The following MGAT5 variants were observed in gnomAD, a reference collection of about 807,000 sequenced individuals.
MGAT5 encodes the protein alpha-1,6-mannosylglycoprotein 6-beta-N-acetylglucosaminyltransferase A.
A neutral mutation model predicts 94.3 loss-of-function variants in MGAT5; 30 were observed. The ratio of observed to expected loss-of-function variants is 0.32; its 90% CI spans 0.24 to 0.43. MGAT5 has a LOEUF of 0.43. Among genes scored for constraint, MGAT5 ranks in the 20% least tolerant of loss-of-function variants. The pLI is 1.00. For missense variants in MGAT5, 691 were observed against 905.5 expected, an observed-to-expected ratio of 0.76 and a Z score of 3.04; for synonymous variants, 310 against 322.9, an observed-to-expected ratio of 0.96 and a Z score of 0.43.
chr2:134,362,869 C>G (rs573311304), intron 10 of MGAT5, among the ~76,000 whole-genome samples: 22 of 152,194 alleles, frequency 1.4e-4, no homozygotes, highest in Non-Finnish European at 2.4e-4. Flanking sequence ...CACTACTCAC[C>G]TGACGTAGAA....
chr2:134,157,057 A>G (rs568182254), intron 1 of MGAT5, among the ~76,000 whole-genome samples: 14 of 152,300 alleles, frequency 9.2e-5, no homozygotes, highest in Middle Eastern at 3.4e-3. Context: ...AGTCTTTGGC[A>G]TTTTACTGTT....
chr2:134,161,732 C>T (rs1687742873), intron 1 of MGAT5, among the ~76,000 whole-genome samples: 1 of 152,128 alleles, frequency 6.6e-6, no homozygotes. Flanking sequence ...ATTTTTCTCT[C>T]AGCACTTCCG....
At chr2:134,150,869 G>T (rs117658545) in intron 1 of MGAT5, among the ~76,000 whole-genome samples, 1 of 152,170 alleles carries the variant, frequency 6.6e-6, no homozygotes, top group East Asian at 1.9e-4. Flanking sequence ...GTTATGTGAC[G>T]AATGTCTTCT....
intron 2 of MGAT5, among the ~76,000 whole-genome samples, chr2:134,314,361 G>C (rs1407857199): frequency 6.6e-6 from 1 of 152,238 alleles, no homozygotes; most frequent in Non-Finnish European, 1.5e-5. Flanking sequence ...GTTTGAGGAA[G>C]AGGAAAGGCC....
At chr2:134,289,406 C>A (rs1685209312) in intron 2 of MGAT5, among the ~76,000 whole-genome samples, 1 of 152,164 alleles carries the variant, frequency 6.6e-6, no homozygotes, top group African/African-American at 2.4e-5. Flanking sequence ...AGCCATCAGC[C>A]AGCTGCTTCC....
intron 1 of MGAT5, among the ~76,000 whole-genome samples, chr2:134,193,092 T>C (rs1679306383): frequency 6.6e-6 from 1 of 151,916 alleles, no homozygotes; most frequent in South Asian, 2.1e-4. Flanking sequence ...TGATTGGCTC[T>C]GTGAGGTTAC....
chr2:134,355,462 G>T (rs1387894433), intron 9 of MGAT5, among the ~76,000 whole-genome samples: 1 of 152,124 alleles, frequency 6.6e-6, no homozygotes, highest in South Asian at 2.1e-4. Flanking sequence ...ATTTCTTGTT[G>T]AGACTTAACT....
intron 11 of MGAT5, among the ~76,000 whole-genome samples, chr2:134,405,389 C>T (rs1022070630): frequency 2.0e-5 from 3 of 152,196 alleles, no homozygotes; most frequent in African/African-American, 7.2e-5. Context: ...ATGGCTCAGA[C>T]ATTTGGCAAA....
intron 1 of MGAT5, among the ~76,000 whole-genome samples, chr2:134,225,921 C>T (rs913227311): frequency 3.9e-5 from 6 of 152,222 alleles, no homozygotes; most frequent in African/African-American, 1.2e-4. Flanking sequence ...TAGAGCTTTA[C>T]GAGACTTTTG....
chr2:134,447,591 CT>C (rs988970036), intron 15 of MGAT5, among the ~76,000 whole-genome samples: 4 of 152,262 alleles, frequency 2.6e-5, no homozygotes, highest in African/African-American at 9.6e-5. Flanking sequence ...CCCAACACCA[CT>C]TTCTCTGATA....
intron 4 of MGAT5, among the ~76,000 whole-genome samples, chr2:134,333,035 C>G (rs1688080989): frequency 6.6e-6 from 1 of 152,124 alleles, no homozygotes; most frequent in Non-Finnish European, 1.5e-5. Context: ...GGCGATTCCT[C>G]AGGGATCTAG....
intron 1 of MGAT5, among the ~76,000 whole-genome samples, chr2:134,172,487 T>C (rs370742994): frequency 3.3e-5 from 5 of 152,048 alleles, no homozygotes; most frequent in Non-Finnish European, 7.4e-5. Flanking sequence ...CCTTGGTTCA[T>C]GCCATTCTCC....
chr2:134,165,873 G>A (rs777500911), intron 1 of MGAT5, among the ~76,000 whole-genome samples: 33 of 152,208 alleles, frequency 2.2e-4, no homozygotes, highest in Admixed American at 7.8e-4. Flanking sequence ...CCTGGCAGAT[G>A]TGTGTTAAGA....
rs551725312 is a variant in MGAT5 at position 134,410,083 on chromosome 2, G to A, written c.1531-2786G>A. Among the ~76,000 whole-genome samples, 13 of 152,332 alleles carry A rather than the reference G, an allele frequency of 8.5e-5. No individual in the cohort carries two copies. The South Asian group carries it at 2.1e-3, about 24-fold the overall frequency. On this transcript the variant is annotated intron_variant, in intron 11 of 15. Coordinates refer to ENST00000281923, the MANE Select transcript of MGAT5 (RefSeq NM_002410.5). Reference sequence around the variant, plus strand: ...AGCAGAGTTAAGCCTTGGCACTTATGTACATTCTTGCAGTGTCTCTTGCCT... The same window carrying A: ...AGCAGAGTTAAGCCTTGGCACTTATATACATTCTTGCAGTGTCTCTTGCCT...
intron 7 of MGAT5, among the ~76,000 whole-genome samples, chr2:134,344,045 T>A (rs1407535694): frequency 3.3e-5 from 5 of 152,174 alleles, no homozygotes; most frequent in Non-Finnish European, 7.4e-5. Context: ...AGCAGAGTCC[T>A]GTTTGTGACT....
chr2:134,201,000 G>A (rs1421136242), intron 1 of MGAT5, among the ~76,000 whole-genome samples: 1 of 151,916 alleles, frequency 6.6e-6, no homozygotes, highest in African/African-American at 2.4e-5. Flanking sequence ...CTGCAGCCTT[G>A]AACTCCTGGG....
At chr2:134,123,944 C>G (rs1185746329) in intron 1 of MGAT5, among the ~76,000 whole-genome samples, 2 of 152,186 alleles carry the variant, frequency 1.3e-5, no homozygotes, top group Admixed American at 6.5e-5. Flanking sequence ...GCTACACTTT[C>G]AAATTTCTCT....
chr2:134,426,486 G>GT (rs1266335209), intron 13 of MGAT5, among the ~76,000 whole-genome samples: 9 of 152,144 alleles, frequency 5.9e-5, no homozygotes, highest in African/African-American at 2.2e-4. Flanking sequence ...TGGTGCTTGG[G>GT]TACTCGGCGT....
rs191419399 is a variant in MGAT5, at chr2:134,368,085, C to T, written c.1380+5677C>T. On this transcript the variant is annotated intron_variant, in intron 10 of 15. Coordinates refer to ENST00000281923, the MANE Select transcript of MGAT5 (RefSeq NM_002410.5). The stretch of plus-strand genomic sequence containing the variant: ...GAACCAGGGTCAGGCTCTGACCTCT[C>T]CTCTTGGAGACTTGCCTTCCTGCTG... Among the ~76,000 whole-genome samples the T allele has an allele frequency of 2.4e-3, 362 of 152,308 alleles. 4 individuals carry two copies. The highest frequency in any genetic ancestry group is 0.014 in the Middle Eastern group (4 of 294).
Sources: gnomAD v4.1 joint callset for allele counts (sites outside exome capture counted in the v4.1 genomes callset) on GRCh38, gnomAD v4.1.1 for gene constraint, MANE v1.5 for transcripts, NCBI Gene and HGNC (gene_info 2026-07-23, HGNC 2026-07-21) for gene names.